The following CDH12 variants were observed in gnomAD, a reference collection of about 807,000 sequenced individuals.
The protein encoded by CDH12 is cadherin 12, also known as cadherin-12.
Under a neutral mutation model 74.1 loss-of-function variants are expected in CDH12, and 41 were observed. The observed-to-expected ratio is 0.55, with a 90% confidence interval of 0.43 to 0.72. The LOEUF is 0.72. Ranked by LOEUF, CDH12 falls within the 30% of genes least tolerant of loss-of-function variation. CDH12 has a pLI of 0.00. For synonymous variants in CDH12, 399 were observed against 355.0 expected (o/e 1.12, Z -1.39); for missense variants, 945 against 977.2 (o/e 0.97, Z 0.44).
chr5:22,737,791 T>C (rs1474974800), intron 1 of CDH12, among the ~76,000 whole-genome samples: 1 of 152,084 alleles, frequency 6.6e-6, no homozygotes, highest in Non-Finnish European at 1.5e-5. Flanking sequence ...TTGTATATTT[T>C]AATGAAAATT....
intron 1 of CDH12, among the ~76,000 whole-genome samples, chr5:22,658,655 A>G (rs986442129): frequency 6.6e-6 from 1 of 152,104 alleles, no homozygotes; most frequent in African/African-American, 2.4e-5. Context: ...TTGTCTGAAG[A>G]AAGAAGACAC....
intron 1 of CDH12, among the ~76,000 whole-genome samples, chr5:22,748,214 T>C (rs941708132): frequency 6.6e-6 from 1 of 152,218 alleles, no homozygotes; most frequent in African/African-American, 2.4e-5. Context: ...TGTATACAAC[T>C]GAATAAATTG....
At chr5:22,342,736 C>T (rs1378599750) in intron 3 of CDH12, among the ~76,000 whole-genome samples, 1 of 137,914 alleles carries the variant, frequency 7.3e-6, no homozygotes, top group Non-Finnish European at 1.6e-5. Flanking sequence ...CTCCTTCCTT[C>T]CTTATTTCCT....
intron 4 of CDH12, among the ~76,000 whole-genome samples, chr5:22,093,289 T>C (rs1413674513): frequency 1.3e-5 from 2 of 152,132 alleles, no homozygotes; most frequent in South Asian, 2.1e-4. Context: ...TTTAAAACAA[T>C]TGAATGTATG....
intron 1 of CDH12, among the ~76,000 whole-genome samples, chr5:22,656,997 C>T (rs1300958592): frequency 1.3e-5 from 2 of 152,056 alleles, no homozygotes; most frequent in Non-Finnish European, 2.9e-5. Context: ...ATTCTTCCAC[C>T]TCAGTCTCCC....
intron 1 of CDH12, among the ~76,000 whole-genome samples, chr5:22,710,924 T>TG (rs1743254320): frequency 1.3e-5 from 2 of 152,162 alleles, no homozygotes; most frequent in African/African-American, 4.8e-5. Flanking sequence ...GGCACAATTA[T>TG]TTGTATATGT....
At chr5:21,757,765 G>C (rs1166333106) in intron 13 of CDH12, among the ~76,000 whole-genome samples, 3 of 152,106 alleles carry the variant, frequency 2.0e-5, no homozygotes, top group Non-Finnish European at 4.4e-5. Flanking sequence ...CAACACTTGG[G>C]TTTGGTGAAT....
At chr5:22,423,344 T>G (rs1743738942) in intron 2 of CDH12, among the ~76,000 whole-genome samples, 1 of 152,126 alleles carries the variant, frequency 6.6e-6, no homozygotes, top group Admixed American at 6.6e-5. Context: ...TCCTGAGATG[T>G]GCAGAAACCA....
At chr5:22,536,378 C>T (rs1737841790) in intron 1 of CDH12, among the ~76,000 whole-genome samples, 1 of 152,080 alleles carries the variant, frequency 6.6e-6, no homozygotes, top group Admixed American at 6.6e-5. Context: ...GTAGCATGTG[C>T]TCCATAAATG....
intron 1 of CDH12, among the ~76,000 whole-genome samples, chr5:22,737,442 A>G (rs1245211933): frequency 6.6e-6 from 1 of 151,992 alleles, no homozygotes; most frequent in Non-Finnish European, 1.5e-5. Context: ...AGCTTTCTTT[A>G]CTGATTTAAC....
chr5:22,146,562 C>T (rs1467236200), intron 4 of CDH12, among the ~76,000 whole-genome samples: 1 of 152,026 alleles, frequency 6.6e-6, no homozygotes, highest in Non-Finnish European at 1.5e-5. Context: ...TCCATTTTCT[C>T]ATAACTGTAG....
At chr5:22,085,474 T>G (rs1274096953) in intron 4 of CDH12, among the ~76,000 whole-genome samples, 1 of 152,314 alleles carries the variant, frequency 6.6e-6, no homozygotes, top group East Asian at 1.9e-4. Flanking sequence ...ATTCTAATAC[T>G]AACTGCATAT....
At chr5:22,619,497 G>T (rs903796013) in intron 1 of CDH12, among the ~76,000 whole-genome samples, 4 of 151,926 alleles carry the variant, frequency 2.6e-5, no homozygotes, top group Admixed American at 6.6e-5. Context: ...TTATAATTTT[G>T]TAACTCGTAT....
At position 22,504,051 on chromosome 5, in the gene CDH12, T is replaced by G. The variant is rs1023971784; in HGVS notation, c.-428+1219A>C. 3.7e-4 allele frequency among the ~76,000 whole-genome samples: 57 copies of G among 152,056 alleles called. 1 individual carries two copies. Among genetic ancestry groups the G allele is most frequent in the Admixed American group, 2.4e-3 (36 of 15,236 alleles). ...ACCAAAATTATCCAAGATCAGAGAT[T>G]TAGAAATTAATTAAAATTTTCTACA... On this transcript the variant is annotated intron_variant, in intron 2 of 14. Coordinates refer to ENST00000382254, the MANE Select transcript of CDH12 (RefSeq NM_004061.5).
chr5:22,250,755 T>C (rs1377989425), intron 3 of CDH12, among the ~76,000 whole-genome samples: 1 of 152,190 alleles, frequency 6.6e-6, no homozygotes, highest in Non-Finnish European at 1.5e-5. Context: ...ACATGTGTCT[T>C]AGAGAGCTCT....
intron 4 of CDH12, among the ~76,000 whole-genome samples, chr5:22,177,332 T>G (rs2150334358): frequency 6.6e-6 from 1 of 152,262 alleles, no homozygotes; most frequent in East Asian, 1.9e-4. Context: ...AATGAAAATA[T>G]ATTGCAGAAA....
chr5:21,932,638 C>A (rs1424678495), intron 6 of CDH12, among the ~76,000 whole-genome samples: 1 of 151,904 alleles, frequency 6.6e-6, no homozygotes, highest in Non-Finnish European at 1.5e-5. Flanking sequence ...CGCTGGCGCA[C>A]GCCTGTAATC....
intron 11 of CDH12, among the ~76,000 whole-genome samples, chr5:21,772,484 G>A (rs1348876949): frequency 1.3e-5 from 2 of 152,130 alleles, no homozygotes; most frequent in Admixed American, 1.3e-4. Context: ...TTCTGCCAAC[G>A]AAAATATCTT....
intron 4 of CDH12, among the ~76,000 whole-genome samples, chr5:22,128,986 T>C (rs1014006029): frequency 1.3e-5 from 2 of 152,222 alleles, no homozygotes; most frequent in Admixed American, 6.5e-5. Flanking sequence ...GTAGAGATAG[T>C]AACTTGTGCA....
Sources: allele counts gnomAD v4.1 joint callset (sites outside exome capture counted in the v4.1 genomes callset), GRCh38; gene constraint gnomAD v4.1.1; transcripts MANE v1.5; gene names NCBI Gene and HGNC (gene_info 2026-07-23, HGNC 2026-07-21).